Variants in CLSTN2 observed in about 807,000 individuals in gnomAD.
CLSTN2 encodes the protein calsyntenin 2.
In CLSTN2, 48 loss-of-function variants were observed where a neutral mutation model predicts 101.2. The observed-to-expected ratio is 0.47, with a 90% CI of 0.38 to 0.60. The LOEUF (loss-of-function observed/expected upper bound fraction) is 0.60, where lower values mean the gene tolerates loss of function less well. Ranked by LOEUF, CLSTN2 falls within the 20% of genes least tolerant of loss-of-function variation. The pLI is 0.00. For synonymous variants in CLSTN2, 481 were observed against 463.6 expected (o/e 1.04, Z -0.48); for missense variants, 1,160 against 1,238.2 (o/e 0.94, Z 0.95).
At chr3:140,348,610 G>T (rs141505066) in intron 2 of CLSTN2, among the ~76,000 whole-genome samples, 5 of 152,170 alleles carry the variant, frequency 3.3e-5, no homozygotes. Flanking sequence ...TCTATCCAAG[G>T]ACTGAAAGAT....
At chr3:140,427,232 T>TACAC (rs1325619168) in intron 5 of CLSTN2, among the ~76,000 whole-genome samples, 1 of 119,048 alleles carries the variant, frequency 8.4e-6, no homozygotes, top group Admixed American at 7.8e-5. Flanking sequence ...TATGTGTGTA[T>TACAC]ATATATATAT....
chr3:140,481,434 C>T (rs1372843912), intron 8 of CLSTN2, among the ~76,000 whole-genome samples: 2 of 152,064 alleles, frequency 1.3e-5, no homozygotes, highest in African/African-American at 2.4e-5. Context: ...ATGTGGGCTC[C>T]TTTTTGGTTC....
chr3:140,102,983 C>T (rs1429905506), intron 1 of CLSTN2, among the ~76,000 whole-genome samples: 2 of 152,156 alleles, frequency 1.3e-5, no homozygotes, highest in Non-Finnish European at 2.9e-5. Flanking sequence ...ATATTAATAT[C>T]TATTTTGAGA....
At chr3:140,128,755 C>A (rs1342306089) in intron 1 of CLSTN2, among the ~76,000 whole-genome samples, 1 of 152,100 alleles carries the variant, frequency 6.6e-6, no homozygotes, top group Non-Finnish European at 1.5e-5. Context: ...CTGAACCCAG[C>A]CAGGAGAGGG....
chr3:140,112,472 G>A (rs981476960), intron 1 of CLSTN2, among the ~76,000 whole-genome samples: 3 of 152,142 alleles, frequency 2.0e-5, no homozygotes, highest in Non-Finnish European at 2.9e-5. Flanking sequence ...ATTCACAGGA[G>A]TGTATCTTCA....
chr3:140,182,319 T>C (rs1487231269), intron 2 of CLSTN2, among the ~76,000 whole-genome samples: 1 of 147,276 alleles, frequency 6.8e-6, no homozygotes, highest in Admixed American at 6.7e-5. Flanking sequence ...AAAAGTAAAC[T>C]AATATTTAGG....
At chr3:139,968,644 T>A (rs1217469951) in intron 1 of CLSTN2, among the ~76,000 whole-genome samples, 2 of 152,240 alleles carry the variant, frequency 1.3e-5, no homozygotes, top group Admixed American at 6.5e-5. Context: ...CTTTATACAT[T>A]ACCCAGTTTG....
chr3:140,217,347 A>G (rs896947874), intron 2 of CLSTN2, among the ~76,000 whole-genome samples: 24 of 152,216 alleles, frequency 1.6e-4, no homozygotes, highest in South Asian at 1.0e-3. Flanking sequence ...CTAAGCACCT[A>G]TGGTCCTGAA....
intron 8 of CLSTN2, among the ~76,000 whole-genome samples, chr3:140,499,452 A>G (rs1263326122): frequency 6.6e-6 from 1 of 152,232 alleles, no homozygotes; most frequent in Non-Finnish European, 1.5e-5. Flanking sequence ...AGCCAAGGAC[A>G]TGGGAGGATG....
chr3:140,000,081 A>G (rs567247846), intron 1 of CLSTN2, among the ~76,000 whole-genome samples: 118 of 149,350 alleles, frequency 7.9e-4, no homozygotes, highest in Non-Finnish European at 1.3e-3. Flanking sequence ...CATTTCATAT[A>G]GTCATCCCCT....
At chr3:140,300,039 G>C (rs777168743) in intron 2 of CLSTN2, among the ~76,000 whole-genome samples, 5 of 152,196 alleles carry the variant, frequency 3.3e-5, no homozygotes, top group Non-Finnish European at 5.9e-5. Flanking sequence ...TTTCCCCCTT[G>C]TTGCTCAGAA....
chr3:140,112,872 A>G (rs894518562), intron 1 of CLSTN2, among the ~76,000 whole-genome samples: 4 of 152,222 alleles, frequency 2.6e-5, no homozygotes, highest in African/African-American at 9.6e-5. Flanking sequence ...CATGAAAAAA[A>G]CAGACCATAA....
At chr3:140,309,835 T>C (rs1440537879) in intron 2 of CLSTN2, among the ~76,000 whole-genome samples, 2 of 146,112 alleles carry the variant, frequency 1.4e-5, no homozygotes, top group Non-Finnish European at 3.0e-5. Flanking sequence ...ACTTCCAATC[T>C]CTCAGGCCCG....
At chr3:140,092,485 C>T (rs1157775279) in intron 1 of CLSTN2, among the ~76,000 whole-genome samples, 1 of 152,112 alleles carries the variant, frequency 6.6e-6, no homozygotes, top group African/African-American at 2.4e-5. Context: ...TATTCATGGG[C>T]AATTAAGTGT....
intron 2 of CLSTN2, among the ~76,000 whole-genome samples, chr3:140,400,773 G>A (rs1458455015): frequency 1.3e-5 from 2 of 152,104 alleles, no homozygotes; most frequent in East Asian, 1.9e-4. Flanking sequence ...AGGACCCTGG[G>A]TGGCTCTTAG....
chr3:140,364,113 T>A (rs1373716145), intron 2 of CLSTN2, among the ~76,000 whole-genome samples: 5 of 152,208 alleles, frequency 3.3e-5, no homozygotes, highest in East Asian at 3.9e-4. Context: ...AGCACTTTTT[T>A]AATGAGTCCT....
chr3:140,314,650 G>A (rs530046593), intron 2 of CLSTN2, among the ~76,000 whole-genome samples: 1 of 152,044 alleles, frequency 6.6e-6, no homozygotes, highest in Non-Finnish European at 1.5e-5. Context: ...TTTTGCATAC[G>A]AATCTGGATT....
intron 1 of CLSTN2, among the ~76,000 whole-genome samples, chr3:139,987,085 G>C (rs1936037856): frequency 6.6e-6 from 1 of 152,120 alleles, no homozygotes; most frequent in Admixed American, 6.5e-5. Flanking sequence ...CACCCACAAT[G>C]ATTTAGTTCC....
intron 1 of CLSTN2, among the ~76,000 whole-genome samples, chr3:140,072,935 T>G (rs1215360135): frequency 1.3e-5 from 2 of 152,234 alleles, no homozygotes; most frequent in African/African-American, 4.8e-5. Flanking sequence ...CGCTTCTTGC[T>G]TATTCTACCC....
Sources: gnomAD v4.1 joint callset for allele counts (sites outside exome capture counted in the v4.1 genomes callset) on GRCh38, gnomAD v4.1.1 for gene constraint, MANE v1.5 for transcripts, NCBI Gene and HGNC (gene_info 2026-07-23, HGNC 2026-07-21) for gene names.